TCF7L1: variants seen among roughly 807,000 people sequenced by gnomAD.
The protein encoded by TCF7L1 is transcription factor 7 like 1, also known as transcription factor 7-like 1.
In TCF7L1, 18 loss-of-function variants were observed where a neutral mutation model predicts 63.7. The ratio of observed to expected loss-of-function variants is 0.28; its 90% CI spans 0.20 to 0.42. The LOEUF is 0.42. Ranked by LOEUF, TCF7L1 falls within the 10% of genes least tolerant of loss-of-function variation. TCF7L1 has a pLI of 1.00. For synonymous variants in TCF7L1, 355 were observed against 340.9 expected, an observed-to-expected ratio of 1.04 and a Z score of -0.46; for missense variants, 654 against 779.3, an observed-to-expected ratio of 0.84 and a Z score of 1.91.
chr2:85,227,992 CAAAAAA>C lies in TCF7L1; in HGVS notation c.442-55484_442-55479del, dbSNP rs34769307. On this transcript the variant is annotated intron_variant, in intron 3 of 11. Transcript: ENST00000282111. ...GAGTGACAGAGCAAGACCCTGTCTC[CAAAAAA>C]AAAAAAAAAAAAAAAAAATTAGTCA... Among the ~76,000 whole-genome samples, 430 of 79,524 alleles carry C rather than the reference CAAAAAA, an allele frequency of 5.4e-3. 3 individuals are homozygous for C. The highest frequency in any genetic ancestry group is 0.018 in the African/African-American group (380 of 20,938). The allele number at this position is 79,524 out of a possible 152,430, so 52.2% of individuals were successfully genotyped here. A position where few individuals can be genotyped will look rare whatever the true frequency, so the allele number is the denominator to read the frequency against.
rs1012717130 is a variant in TCF7L1 at position 85,212,005 on chromosome 2, G to A, written c.442-71490G>A. 5.5e-5 allele frequency among the ~76,000 whole-genome samples: 8 copies of A among 144,798 alleles called. No individual in the cohort carries two copies. The Admixed American group carries it at 5.9e-4, about 11-fold the overall frequency. 95.0% of individuals were successfully genotyped at this position (144,798 alleles called of 152,430 possible). On this transcript the variant is annotated intron_variant, in intron 3 of 11. Transcript: ENST00000282111. ...CTCGGGATGCTGAGGCAGGAGAATC[G>A]CTTGAACCTGGGAGGCAGAGGTTGC...
At chr2:85,201,816 G>A (rs909628940) in intron 3 of TCF7L1, among the ~76,000 whole-genome samples, 9 of 152,096 alleles carry the variant, frequency 5.9e-5, no homozygotes, top group Non-Finnish European at 1.3e-4. Context: ...ATGTGAAGTG[G>A]TATGTCATTG....
intron 3 of TCF7L1, among the ~76,000 whole-genome samples, chr2:85,142,218 C>T (rs949102481): frequency 4.6e-5 from 7 of 151,962 alleles, no homozygotes; most frequent in Admixed American, 1.3e-4. Context: ...CTTGAGCTCA[C>T]GAGTTCGAGA....
chr2:85,204,587 C>T (rs1214099826), intron 3 of TCF7L1, among the ~76,000 whole-genome samples: 1 of 150,628 alleles, frequency 6.6e-6, no homozygotes, highest in African/African-American at 2.4e-5. Flanking sequence ...TACTATGTTG[C>T]CCAGGCTGGA....
intron 4 of TCF7L1, among the ~76,000 whole-genome samples, chr2:85,286,449 G>A (rs189318163): frequency 2.0e-5 from 3 of 152,230 alleles, no homozygotes; most frequent in Admixed American, 6.5e-5. Context: ...GGCCAAGGAG[G>A]GAGGATTGCT....
chr2:85,152,726 C>T (rs899747087), intron 3 of TCF7L1, among the ~76,000 whole-genome samples: 1 of 131,098 alleles, frequency 7.6e-6, no homozygotes, highest in Non-Finnish European at 1.6e-5. Context: ...TGAGCCACCA[C>T]GTCCAGCCTA....
Position 85,306,313 on chromosome 2 carries a change from C to T in TCF7L1, c.1097C>T (p.Ala366Val). The change falls in exon 9 of 12, where the codon GCT (alanine) becomes GTT (valine). Residue 366 changes from alanine (A) to valine (V), a missense_variant. Ala to Val is a moderately conservative substitution (Grantham distance 64). Transcript: ENST00000282111. The surrounding 1 kb of genome is among the most constrained non-coding windows in gnomAD (Gnocchi z 4.3). ...AAGGAGATGAGGGCCAAGGTGGTGGCTGAGTGCACCCTGAAGGAAAGTGCA... is the reference window on the plus strand; with the variant it reads ...AAGGAGATGAGGGCCAAGGTGGTGGTTGAGTGCACCCTGAAGGAAAGTGCA... ...YMKEMRAKVV[A>V]ECTLKESAAI... 1 of 1,614,198 alleles carries T rather than the reference C, an allele frequency of 6.2e-7. No homozygotes were observed.
chr2:85,255,778 A>C (rs372641418), intron 3 of TCF7L1, among the ~76,000 whole-genome samples: 2 of 152,100 alleles, frequency 1.3e-5, no homozygotes, highest in South Asian at 4.1e-4. Context: ...CTCTGGTCCC[A>C]CGTGGGGCAG....
At chr2:85,170,942 A>C (rs1475826145) in intron 3 of TCF7L1, among the ~76,000 whole-genome samples, 1 of 152,190 alleles carries the variant, frequency 6.6e-6, no homozygotes, top group Non-Finnish European at 1.5e-5. Context: ...GCCGCTTGTC[A>C]AAGGAATAAT....
rs139236010 is a variant in TCF7L1, at chr2:85,270,933, G to T, written c.442-12562G>T. Among the ~76,000 whole-genome samples the T allele has an allele frequency of 7.6e-3, 1,152 of 152,150 alleles. 20 individuals are homozygous for T. Among genetic ancestry groups the T allele is most frequent in the African/African-American group, 0.027 (1,107 of 41,486 alleles). On this transcript the variant is annotated intron_variant, in intron 3 of 11. Coordinates refer to ENST00000282111, the MANE Select transcript of TCF7L1 (RefSeq NM_031283.3). ...GCTGGTCTTGAACTCCTGGGCTCAA[G>T]TGATCCACCTGCCTCAGCCTCCCAA...
chr2:85,302,502 G>A lies in TCF7L1; in HGVS notation c.544G>A (p.Val182Ile), dbSNP rs751988721. ...PAHLSNKVPV[V>I]QHPHHMHPLT... is the part of the protein sequence containing the mutation. Reference sequence around the variant, plus strand: ...CTTTCAGTCTAATAAAGTTCCTGTCGTTCAGCACCCGCATCACATGCATCC... The same window carrying A: ...CTTTCAGTCTAATAAAGTTCCTGTCATTCAGCACCCGCATCACATGCATCC... Residue 182 changes from valine (V) to isoleucine (I), a missense_variant, in exon 5 of 12, where the codon GTT (valine) becomes ATT (isoleucine). Val to Ile is a conservative substitution (Grantham distance 29, BLOSUM62 3). This residue lies in a region of TCF7L1 where 404 missense variants were observed against 454.8 expected (regional missense o/e 0.89). Transcript: ENST00000282111. The A allele has an allele frequency of 6.8e-6, 11 of 1,614,002 alleles. No individual in the cohort carries two copies. The highest frequency in any genetic ancestry group is 6.7e-5 in the Admixed American group (4 of 60,012).
chr2:85,230,695 T>C (rs1027642819), intron 3 of TCF7L1, among the ~76,000 whole-genome samples: 1 of 152,174 alleles, frequency 6.6e-6, no homozygotes, highest in Admixed American at 6.5e-5. Context: ...CTGAATCAGC[T>C]TATACCGGGG....
intron 3 of TCF7L1, among the ~76,000 whole-genome samples, chr2:85,164,460 G>T (rs955025149): frequency 6.6e-6 from 1 of 152,082 alleles, no homozygotes; most frequent in Non-Finnish European, 1.5e-5. Flanking sequence ...TTAAAGCGAG[G>T]CTACTTTGGA....
chr2:85,147,071 C>T (rs1424233882), intron 3 of TCF7L1, among the ~76,000 whole-genome samples: 1 of 152,116 alleles, frequency 6.6e-6, no homozygotes, highest in African/African-American at 2.4e-5. Flanking sequence ...GGTGGAGATA[C>T]ACGGGCAATC....
At chr2:85,239,619 G>A (rs1680278008) in intron 3 of TCF7L1, among the ~76,000 whole-genome samples, 1 of 152,182 alleles carries the variant, frequency 6.6e-6, no homozygotes, top group Non-Finnish European at 1.5e-5. Context: ...AGCTGAAGCA[G>A]TAATTTTAAA....
At chr2:85,170,304 G>T (rs1678517875) in intron 3 of TCF7L1, among the ~76,000 whole-genome samples, 1 of 152,156 alleles carries the variant, frequency 6.6e-6, no homozygotes, top group Non-Finnish European at 1.5e-5. Flanking sequence ...TCAACAAAGT[G>T]AGCAATCTCA....
chr2:85,202,114 C>T (rs1679285887), intron 3 of TCF7L1, among the ~76,000 whole-genome samples: 1 of 152,046 alleles, frequency 6.6e-6, no homozygotes, highest in African/African-American at 2.4e-5. Context: ...AGGCACATGT[C>T]ACCATGCCCA....
rs944455440 is a variant in TCF7L1 at position 85,144,452 on chromosome 2, A to G, written c.441+10002A>G. On this transcript the variant is annotated intron_variant, in intron 3 of 11. Coordinates refer to ENST00000282111, the MANE Select transcript of TCF7L1 (RefSeq NM_031283.3). The stretch of plus-strand genomic sequence containing the variant: ...AAAAAAAACAAAAACCAAAAAAAAC[A>G]TTAGCCAGGAGTGGTAACGTGTGCC... Among the ~76,000 whole-genome samples, 4 of 150,846 alleles carry G rather than the reference A, an allele frequency of 2.7e-5. No individual in the cohort carries two copies. The East Asian group carries it at 7.8e-4, about 29-fold the overall frequency.
intron 3 of TCF7L1, among the ~76,000 whole-genome samples, chr2:85,173,839 C>T (rs112505142): frequency 2.0e-5 from 3 of 151,992 alleles, no homozygotes; most frequent in Middle Eastern, 3.4e-3. Flanking sequence ...TGGGTTTAAG[C>T]GATTCTCCTG....
Sources: allele counts gnomAD v4.1 joint callset (sites outside exome capture counted in the v4.1 genomes callset), GRCh38; gene constraint gnomAD v4.1.1; regional missense constraint gnomAD v4.1.1; non-coding constraint Gnocchi (gnomAD v3.1); transcripts MANE v1.5; gene names NCBI Gene and HGNC (gene_info 2026-07-23, HGNC 2026-07-21).